Variants in KCNN2 observed in about 807,000 individuals in gnomAD.
The protein encoded by KCNN2 is potassium calcium-activated channel subfamily N member 2, also known as small conductance calcium-activated potassium channel protein 2.
KCNN2 carries 24 observed loss-of-function variants against 55.5 expected under a neutral mutation model. The observed-to-expected ratio is 0.43, with a 90% CI of 0.31 to 0.61. The LOEUF is 0.61. Ranked by LOEUF, KCNN2 falls within the 20% of genes least tolerant of loss-of-function variation. The pLI is 0.08. For synonymous variants in KCNN2, 431 were observed against 336.1 expected, an observed-to-expected ratio of 1.28 and a Z score of -3.09; for missense variants, 754 against 853.6, an observed-to-expected ratio of 0.88 and a Z score of 1.45.
intron 2 of KCNN2, among the ~76,000 whole-genome samples, chr5:114,245,545 C>T (rs2112620671): frequency 6.6e-6 from 1 of 152,340 alleles, no homozygotes; most frequent in Admixed American, 6.5e-5. Context: ...ACACAGCTCA[C>T]TGCAGCCACA....
intron 2 of KCNN2, among the ~76,000 whole-genome samples, chr5:114,331,797 T>C (rs1756826055): frequency 6.6e-6 from 1 of 152,344 alleles, no homozygotes; most frequent in South Asian, 2.1e-4. Context: ...AAATATTCTT[T>C]TTTTTCTTCA....
chr5:114,144,705 C>G (rs1173351282), intron 1 of KCNN2, among the ~76,000 whole-genome samples: 3 of 151,424 alleles, frequency 2.0e-5, no homozygotes, highest in East Asian at 3.9e-4. Flanking sequence ...TGCATCTTTC[C>G]TACTAATAAC....
At chr5:114,160,797 G>C (rs1159089762) in intron 1 of KCNN2, among the ~76,000 whole-genome samples, 8 of 149,870 alleles carry the variant, frequency 5.3e-5, no homozygotes, top group Non-Finnish European at 1.2e-4. Flanking sequence ...TTGGTTTAAA[G>C]TCTGTTTTAT....
intron 2 of KCNN2, among the ~76,000 whole-genome samples, chr5:114,366,101 A>T (rs1001662549): frequency 1.3e-5 from 2 of 152,138 alleles, no homozygotes; most frequent in Non-Finnish European, 2.9e-5. Context: ...AGAAGTTTAT[A>T]AAAAATCATA....
chr5:114,380,229 G>T (rs1186894610), intron 2 of KCNN2, among the ~76,000 whole-genome samples: 3 of 152,100 alleles, frequency 2.0e-5, no homozygotes, highest in Non-Finnish European at 2.9e-5. Flanking sequence ...TGTGTCAATT[G>T]TTGCCGTTTT....
intron 3 of KCNN2, among the ~76,000 whole-genome samples, chr5:114,447,841 C>G (rs1760482517): frequency 6.6e-6 from 1 of 152,192 alleles, no homozygotes; most frequent in Non-Finnish European, 1.5e-5. Context: ...TTTGCTTCTA[C>G]AGGTGAAAAC....
At chr5:114,156,533 T>G (rs1752639046) in intron 1 of KCNN2, among the ~76,000 whole-genome samples, 1 of 152,126 alleles carries the variant, frequency 6.6e-6, no homozygotes, top group African/African-American at 2.4e-5. Context: ...GTTTTTCCAT[T>G]TGTTGGTGTC....
At chr5:114,223,232 A>C (rs1214473334) in intron 2 of KCNN2, among the ~76,000 whole-genome samples, 1 of 152,230 alleles carries the variant, frequency 6.6e-6, no homozygotes, top group African/African-American at 2.4e-5. Flanking sequence ...ATGGAAAAGT[A>C]ACCCATAATT....
chr5:114,287,745 A>C (rs2150015939), intron 2 of KCNN2, among the ~76,000 whole-genome samples: 1 of 139,734 alleles, frequency 7.2e-6, no homozygotes, highest in African/African-American at 2.6e-5. Flanking sequence ...CGTGTGTCTC[A>C]GAACTTAAAT....
chr5:114,227,297 G>C (rs570027970), intron 2 of KCNN2, among the ~76,000 whole-genome samples: 1 of 151,966 alleles, frequency 6.6e-6, no homozygotes, highest in Non-Finnish European at 1.5e-5. Flanking sequence ...TGCTGTTCTC[G>C]CTACTAAAAA....
At chr5:114,429,942 T>C (rs572554525) in intron 3 of KCNN2, among the ~76,000 whole-genome samples, 6 of 151,836 alleles carry the variant, frequency 4.0e-5, no homozygotes, top group Admixed American at 3.3e-4. Flanking sequence ...TATACTTGTA[T>C]GAGTGTATTT....
intron 6 of KCNN2, among the ~76,000 whole-genome samples, chr5:114,491,509 C>CTTTTTTTTTTTTTTT (rs11295961): frequency 9.1e-6 from 1 of 109,682 alleles, no homozygotes; most frequent in Non-Finnish European, 1.8e-5. Flanking sequence ...TCTGCTTTTT[C>CTTTTTTTTTTTTTTT]TTTTTTTTTT....
chr5:114,179,636 T>A (rs531547634), intron 1 of KCNN2, among the ~76,000 whole-genome samples: 1 of 151,598 alleles, frequency 6.6e-6, no homozygotes, highest in African/African-American at 2.4e-5. Flanking sequence ...TGAAAGAAAA[T>A]GTCAAACTTT....
chr5:114,482,855 A>G lies in KCNN2; in HGVS notation c.1891-4195A>G, dbSNP rs372163343. Among the ~76,000 whole-genome samples, 11 of 152,248 alleles carry G rather than the reference A, an allele frequency of 7.2e-5. No homozygotes were observed. The East Asian group carries it at 1.4e-3, about 19-fold the overall frequency. On this transcript the variant is annotated intron_variant, in intron 5 of 7. Transcript: ENST00000673685. ...AATACATGGACACATGGTGGGAGGG[A>G]ACAGCACACACTGAAACCTTCTGGA... is the stretch of plus-strand genomic sequence containing the variant.
chr5:114,229,601 T>G (rs1408978061), intron 2 of KCNN2, among the ~76,000 whole-genome samples: 2 of 129,074 alleles, frequency 1.5e-5, no homozygotes, highest in African/African-American at 5.3e-5. Flanking sequence ...AAAAATTAGA[T>G]GTAAATATTA....
intron 1 of KCNN2, among the ~76,000 whole-genome samples, chr5:114,104,739 T>C (rs769978912): frequency 1.3e-5 from 2 of 151,826 alleles, no homozygotes; most frequent in Non-Finnish European, 2.9e-5. Flanking sequence ...TACCTCAGAA[T>C]GGGGAGATGG....
intron 3 of KCNN2, among the ~76,000 whole-genome samples, chr5:114,412,234 T>G (rs1759158777): frequency 2.0e-5 from 3 of 152,196 alleles, no homozygotes. Flanking sequence ...ACATACTGAT[T>G]TAAAATGAAT....
At chr5:114,483,751 G>A (rs1312196341) in intron 5 of KCNN2, among the ~76,000 whole-genome samples, 2 of 145,096 alleles carry the variant, frequency 1.4e-5, no homozygotes, top group African/African-American at 5.0e-5. Context: ...GTGTAAAGAT[G>A]TTCCTGTTAA....
At chr5:114,397,408 C>T (rs966094306) in intron 2 of KCNN2, among the ~76,000 whole-genome samples, 35 of 151,884 alleles carry the variant, frequency 2.3e-4, no homozygotes, top group Admixed American at 6.6e-4. Context: ...TTTTTTGAGA[C>T]GGAGTTTTGC....
Sources: gnomAD v4.1 joint callset for allele counts (sites outside exome capture counted in the v4.1 genomes callset) on GRCh38, gnomAD v4.1.1 for gene constraint, MANE v1.5 for transcripts, NCBI Gene and HGNC (gene_info 2026-07-23, HGNC 2026-07-21) for gene names.